The following CSMD3 variants were observed in gnomAD, a reference collection of about 807,000 sequenced individuals.
The protein encoded by CSMD3 is CUB and Sushi multiple domains 3.
A neutral mutation model predicts 435.2 loss-of-function variants in CSMD3; 177 were observed. The observed-to-expected ratio is 0.41, with a 90% CI of 0.36 to 0.46. The LOEUF is 0.46. Ranked by LOEUF, CSMD3 falls within the 20% of genes least tolerant of loss-of-function variation. CSMD3 has a pLI of 0.34. For missense variants in CSMD3, 4,265 were observed against 4,504.6 expected (o/e 0.95, Z 1.52); for synonymous variants, 1,656 against 1,520.5 (o/e 1.09, Z -2.07).
At chr8:113,115,357 T>C (rs2090790151) in intron 4 of CSMD3, among the ~76,000 whole-genome samples, 1 of 152,224 alleles carries the variant, frequency 6.6e-6, no homozygotes, top group South Asian at 2.1e-4. Context: ...AATAGCTTGA[T>C]GAATTTTCAC....
At chr8:113,380,281 CTTCTT>C (rs780467136) in intron 1 of CSMD3, among the ~76,000 whole-genome samples, 1 of 152,094 alleles carries the variant, frequency 6.6e-6, no homozygotes, top group Non-Finnish European at 1.5e-5. Context: ...TAACAGGACA[CTTCTT>C]TTCAATTAAC....
At chr8:112,842,132 G>A (rs1387807680) in intron 11 of CSMD3, among the ~76,000 whole-genome samples, 1 of 151,738 alleles carries the variant, frequency 6.6e-6, no homozygotes, top group African/African-American at 2.4e-5. Context: ...AGCTATTCTT[G>A]AGGTGTTAGG....
intron 6 of CSMD3, among the ~76,000 whole-genome samples, chr8:113,018,348 G>A (rs961033812): frequency 6.6e-6 from 1 of 151,696 alleles, no homozygotes; most frequent in African/African-American, 2.4e-5. Flanking sequence ...GACTACTAAA[G>A]GGGAAAGCAT....
intron 31 of CSMD3, among the ~76,000 whole-genome samples, chr8:112,490,096 T>A (rs1021438): frequency 0.25 from 38,006 of 152,064 alleles, 4,903 homozygotes; most frequent in East Asian, 0.39. Context: ...CTCTTGGAAC[T>A]CTGCGTTGGA....
intron 17 of CSMD3, among the ~76,000 whole-genome samples, chr8:112,665,461 G>A (rs1428025644): frequency 6.6e-6 from 1 of 152,052 alleles, no homozygotes; most frequent in Non-Finnish European, 1.5e-5. Context: ...TTCAATGAAA[G>A]ACCTTTTGAG....
chr8:112,845,295 A>G (rs1398137509), intron 11 of CSMD3, among the ~76,000 whole-genome samples: 1 of 151,988 alleles, frequency 6.6e-6, no homozygotes, highest in Non-Finnish European at 1.5e-5. Flanking sequence ...TAAGTGCACA[A>G]ACATGTAAGT....
chr8:112,727,201 T>C (rs373362625), intron 13 of CSMD3, among the ~76,000 whole-genome samples: 1 of 151,776 alleles, frequency 6.6e-6, no homozygotes, highest in Non-Finnish European at 1.5e-5. Flanking sequence ...ATTTCATATA[T>C]TGTGTTAAGG....
chr8:112,642,426 T>C (rs2074858021), intron 20 of CSMD3, among the ~76,000 whole-genome samples: 1 of 152,206 alleles, frequency 6.6e-6, no homozygotes, highest in Non-Finnish European at 1.5e-5. Context: ...AGTTTGAAAC[T>C]ACTGAACAAT....
chr8:113,408,444 A>G (rs930784306), intron 1 of CSMD3, among the ~76,000 whole-genome samples: 1 of 152,198 alleles, frequency 6.6e-6, no homozygotes, highest in Admixed American at 6.6e-5. Flanking sequence ...ATGAAAGGCT[A>G]AAACAAAAAG....
At chr8:112,872,722 C>T (rs926291345) in intron 10 of CSMD3, among the ~76,000 whole-genome samples, 1 of 151,822 alleles carries the variant, frequency 6.6e-6, no homozygotes, top group Non-Finnish European at 1.5e-5. Context: ...AAAAATAAGT[C>T]ATGTGAATTA....
intron 1 of CSMD3, among the ~76,000 whole-genome samples, chr8:113,383,664 A>G (rs1259006557): frequency 6.6e-6 from 1 of 152,194 alleles, no homozygotes; most frequent in East Asian, 1.9e-4. Context: ...TAGTGATTTT[A>G]GGGTTTTCAG....
intron 36 of CSMD3, among the ~76,000 whole-genome samples, chr8:112,389,427 C>T (rs9886643): frequency 6.6e-6 from 1 of 151,814 alleles, no homozygotes; most frequent in Admixed American, 6.6e-5. Flanking sequence ...AGGATTGATT[C>T]GTTATCTTCA....
chr8:112,441,863 G>A (rs552703683), intron 32 of CSMD3, among the ~76,000 whole-genome samples: 6 of 152,228 alleles, frequency 3.9e-5, no homozygotes, highest in South Asian at 2.1e-4. Flanking sequence ...CAACCTGTGG[G>A]TATTACAATT....
At chr8:112,741,435 A>G (rs915559073) in intron 13 of CSMD3, among the ~76,000 whole-genome samples, 11 of 151,930 alleles carry the variant, frequency 7.2e-5, no homozygotes, top group African/African-American at 2.7e-4. Context: ...TATAAAAACA[A>G]AAGAAAACAA....
intron 10 of CSMD3, among the ~76,000 whole-genome samples, chr8:112,886,498 G>C (rs776997594): frequency 1.3e-5 from 2 of 151,334 alleles, no homozygotes; most frequent in Non-Finnish European, 3.0e-5. Context: ...GAAATGTGCT[G>C]AAGTGTTCAA....
chr8:112,960,890 A>G (rs1017631942), intron 7 of CSMD3, among the ~76,000 whole-genome samples: 2 of 151,734 alleles, frequency 1.3e-5, no homozygotes, highest in Non-Finnish European at 3.0e-5. Context: ...ATCATTAGAG[A>G]CAAGTAATAT....
chr8:112,636,770 G>T (rs367614882), intron 22 of CSMD3, 47 bp downstream of exon 22: 3 of 1,462,018 alleles, frequency 2.1e-6, no homozygotes, highest in African/African-American at 2.8e-5. Flanking sequence ...GCAACTCCAT[G>T]GACAGTGACT....
At chr8:112,284,422 AT>A (rs924821608) in intron 58 of CSMD3, among the ~76,000 whole-genome samples, 2 of 151,756 alleles carry the variant, frequency 1.3e-5, no homozygotes, top group Non-Finnish European at 3.0e-5. Flanking sequence ...TCCTAGTATT[AT>A]TTTTTTGTGT....
At chr8:112,889,816 AC>A (rs1364170653) in intron 10 of CSMD3, among the ~76,000 whole-genome samples, 2 of 151,516 alleles carry the variant, frequency 1.3e-5, no homozygotes, top group Non-Finnish European at 3.0e-5. Flanking sequence ...TACTGACTCT[AC>A]CCTCCCTTCC....
Sources: gnomAD v4.1 joint callset for allele counts (sites outside exome capture counted in the v4.1 genomes callset) on GRCh38, gnomAD v4.1.1 for gene constraint, MANE v1.5 for transcripts, NCBI Gene and HGNC (gene_info 2026-07-23, HGNC 2026-07-21) for gene names.